Variants in RGS7 observed in about 807,000 individuals in gnomAD.
RGS7 encodes the protein regulator of G-protein signaling 7.
RGS7 carries 27 observed loss-of-function variants against 81.1 expected under a neutral mutation model. The observed-to-expected ratio is 0.33, with a 90% CI of 0.25 to 0.46. RGS7 has a LOEUF of 0.46. Ranked by LOEUF, RGS7 falls within the 20% of genes least tolerant of loss-of-function variation. The probability of loss-of-function intolerance (pLI) is 1.00; values close to 1 mark genes in which losing one functional copy is unlikely to be tolerated. For synonymous variants in RGS7, 208 were observed against 207.7 expected (o/e 1.00, Z -0.01); for missense variants, 396 against 607.4 (o/e 0.65, Z 3.66).
intron 3 of RGS7, among the ~76,000 whole-genome samples, chr1:241,077,925 A>G (rs1422059520): frequency 6.6e-6 from 1 of 152,156 alleles, no homozygotes; most frequent in East Asian, 1.9e-4. Context: ...AAAAACAGGA[A>G]AGAACTCAGA....
chr1:241,355,601 C>T, intron 2 of RGS7, 98 bp downstream of exon 2: 1 of 1,046,444 alleles, frequency 9.6e-7, no homozygotes, highest in African/African-American at 1.6e-5. Flanking sequence ...GGGAAATCCA[C>T]AAGGCCACAA....
intron 2 of RGS7, among the ~76,000 whole-genome samples, chr1:241,158,289 C>T (rs138364432): frequency 6.6e-6 from 1 of 152,124 alleles, no homozygotes; most frequent in African/African-American, 2.4e-5. Flanking sequence ...CAGAGCTATG[C>T]GATTTAGGAT....
intron 4 of RGS7, among the ~76,000 whole-genome samples, chr1:240,968,069 G>A (rs569215740): frequency 2.0e-5 from 3 of 152,210 alleles, no homozygotes; most frequent in South Asian, 2.1e-4. Flanking sequence ...AGATCAGTTC[G>A]TGAGGGCCAA....
chr1:241,269,264 T>C (rs1573439091), intron 2 of RGS7, among the ~76,000 whole-genome samples: 1 of 152,142 alleles, frequency 6.6e-6, no homozygotes. Context: ...GCTGTGGAGG[T>C]GGCATAAGCT....
At chr1:240,949,714 GGTGCATGCCT>G (rs1679227996) in intron 4 of RGS7, among the ~76,000 whole-genome samples, 1 of 151,986 alleles carries the variant, frequency 6.6e-6, no homozygotes, top group African/African-American at 2.4e-5. Context: ...AGGGCGTGGT[GGTGCATGCCT>G]GTAGTACCAG....
At chr1:241,197,106 C>T (rs944510826) in intron 2 of RGS7, among the ~76,000 whole-genome samples, 15 of 150,532 alleles carry the variant, frequency 1.0e-4, no homozygotes, top group South Asian at 8.4e-4. Flanking sequence ...ATGGACTAAA[C>T]ACTCCAATTA....
At chr1:241,127,126 C>A (rs911617545) in intron 2 of RGS7, among the ~76,000 whole-genome samples, 1 of 152,114 alleles carries the variant, frequency 6.6e-6, no homozygotes, top group Non-Finnish European at 1.5e-5. Context: ...CCAGAAGAAG[C>A]AACATCTAAT....
At chr1:240,922,366 G>C (rs1345051212) in intron 6 of RGS7, among the ~76,000 whole-genome samples, 2 of 151,914 alleles carry the variant, frequency 1.3e-5, no homozygotes, top group Non-Finnish European at 2.9e-5. Flanking sequence ...AGAAAAAATT[G>C]TAAGTTGGAA....
intron 2 of RGS7, among the ~76,000 whole-genome samples, chr1:241,284,975 A>G (rs529062692): frequency 2.0e-5 from 3 of 151,856 alleles, no homozygotes; most frequent in Non-Finnish European, 2.9e-5. Flanking sequence ...GGTTCACATC[A>G]TTCTCCTGCC....
At chr1:240,789,544 G>A (rs964159256) in intron 18 of RGS7, among the ~76,000 whole-genome samples, 1 of 152,190 alleles carries the variant, frequency 6.6e-6, no homozygotes, top group Non-Finnish European at 1.5e-5. Context: ...AACAGAATGT[G>A]TCCCTGAGGG....
rs2069876753 is a variant in RGS7, at chr1:241,163,199, T to C, written c.79-64437A>G. On this transcript the variant is annotated intron_variant, in intron 2 of 18. Coordinates refer to ENST00000440928, the MANE Select transcript of RGS7 (RefSeq NM_001364886.1). This position sits in a 1 kb window ranked among gnomAD's most constrained non-coding sequence, Gnocchi z 4.6. ...AGGAAACGGGGCCTGAAGCAAGACTTGGCAGTGACCTCCTAACTTTATCAG... is the reference window on the plus strand; with the variant it reads ...AGGAAACGGGGCCTGAAGCAAGACTCGGCAGTGACCTCCTAACTTTATCAG... 1.3e-5 allele frequency among the ~76,000 whole-genome samples: 2 copies of C among 152,144 alleles called. No individual in the cohort carries two copies. The highest frequency in any genetic ancestry group is 1.3e-4 in the Admixed American group (2 of 15,272).
At chr1:241,215,930 G>A (rs2074522234) in intron 2 of RGS7, among the ~76,000 whole-genome samples, 1 of 152,180 alleles carries the variant, frequency 6.6e-6, no homozygotes, top group African/African-American at 2.4e-5. Context: ...GAACAAAATT[G>A]TTTTCAAAAA....
intron 2 of RGS7, among the ~76,000 whole-genome samples, chr1:241,127,531 G>C (rs537225161): frequency 6.6e-6 from 1 of 152,072 alleles, no homozygotes; most frequent in Non-Finnish European, 1.5e-5. Flanking sequence ...ATCACACACC[G>C]GGGACTGTTG....
At chr1:241,261,289 A>C (rs1331573695) in intron 2 of RGS7, among the ~76,000 whole-genome samples, 1 of 152,032 alleles carries the variant, frequency 6.6e-6, no homozygotes, top group Non-Finnish European at 1.5e-5. Flanking sequence ...ACAGAAGTGC[A>C]TGCAGCTGGG....
intron 2 of RGS7, among the ~76,000 whole-genome samples, chr1:241,276,848 G>A (rs114973152): frequency 0.023 from 3,544 of 152,176 alleles, 63 homozygotes; most frequent in Non-Finnish European, 0.035. Context: ...GAATAAACAA[G>A]TCTATTTTAT....
Position 241,001,501 on chromosome 1 carries a change from T to C in RGS7, c.176-18372A>G, listed in dbSNP as rs141000189. 5.3e-3 allele frequency among the ~76,000 whole-genome samples: 810 copies of C among 152,074 alleles called. 6 individuals are homozygous for C. The highest frequency in any genetic ancestry group is 0.018 in the African/African-American group (747 of 41,498). Reference sequence around the variant, plus strand: ...GCTGATAAATATGAATTCACATAAATTTAAAAATTTCTATACAGAAAAGAA... The same window carrying C: ...GCTGATAAATATGAATTCACATAAACTTAAAAATTTCTATACAGAAAAGAA... On this transcript the variant is annotated intron_variant, in intron 3 of 18. Coordinates refer to ENST00000440928, the MANE Select transcript of RGS7 (RefSeq NM_001364886.1).
At chr1:240,942,810 A>G (rs1572886853) in intron 4 of RGS7, among the ~76,000 whole-genome samples, 1 of 152,332 alleles carries the variant, frequency 6.6e-6, no homozygotes, top group East Asian at 1.9e-4. Context: ...CCTTCAAAAT[A>G]TTATGCTTTA....
chr1:241,167,431 T>C (rs1045612142), intron 2 of RGS7, among the ~76,000 whole-genome samples: 1 of 152,146 alleles, frequency 6.6e-6, no homozygotes, highest in African/African-American at 2.4e-5. Flanking sequence ...GTCATGTGAC[T>C]AAGATCTGGC....
At chr1:241,090,911 C>T (rs556424613) in intron 3 of RGS7, among the ~76,000 whole-genome samples, 2 of 152,258 alleles carry the variant, frequency 1.3e-5, no homozygotes, top group Non-Finnish European at 2.9e-5. Context: ...ACCCAGAATC[C>T]TACCAATTCT....
Sources: allele counts gnomAD v4.1 joint callset (sites outside exome capture counted in the v4.1 genomes callset), GRCh38; gene constraint gnomAD v4.1.1; non-coding constraint Gnocchi (gnomAD v3.1); transcripts MANE v1.5; gene names NCBI Gene and HGNC (gene_info 2026-07-23, HGNC 2026-07-21).